CACNA1D: variants seen among roughly 807,000 people sequenced by gnomAD.
CACNA1D encodes calcium voltage-gated channel subunit alpha1 D.
In CACNA1D, 55 loss-of-function variants were observed where a neutral mutation model predicts 257.1. That is an observed-to-expected ratio of 0.21 (90% confidence interval 0.17 to 0.27). The LOEUF (loss-of-function observed/expected upper bound fraction) is 0.27, where lower values mean the gene tolerates loss of function less well. CACNA1D is among the 10% of genes least tolerant of loss of function. The pLI is 1.00. For synonymous variants in CACNA1D, 980 were observed against 1,014.9 expected, an observed-to-expected ratio of 0.97 and a Z score of 0.65; for missense variants, 1,876 against 2,784.0, an observed-to-expected ratio of 0.67 and a Z score of 7.34.
intron 40 of CACNA1D, among the ~76,000 whole-genome samples, chr3:53,796,944 A>G (rs1198271963): frequency 6.6e-6 from 1 of 152,180 alleles, no homozygotes; most frequent in Non-Finnish European, 1.5e-5. Context: ...TATGGCTTTA[A>G]TTGTGTTGGT....
chr3:53,595,486 A>G lies in CACNA1D; in HGVS notation c.484-55293A>G, dbSNP rs935416979. 3.3e-5 allele frequency among the ~76,000 whole-genome samples: 5 copies of G among 152,170 alleles called. 1 individual carries two copies. The South Asian group carries it at 6.2e-4, about 19-fold the overall frequency. On this transcript the variant is annotated intron_variant, in intron 3 of 47. Transcript: ENST00000350061. ...GCTCTGGATTACCATGGAGCTTTCAATGAGTAGGAGGAGACATCCATTTGT... is the reference window on the plus strand; with the variant it reads ...GCTCTGGATTACCATGGAGCTTTCAGTGAGTAGGAGGAGACATCCATTTGT...
chr3:53,744,945 C>G (rs1022265798), intron 23 of CACNA1D, 118 bp downstream of exon 23: 1 of 681,244 alleles, frequency 1.5e-6, no homozygotes, highest in East Asian at 2.7e-5. Context: ...GTTATAAGGA[C>G]CTTTCTAACC....
chr3:53,726,875 T>G lies in CACNA1D; in HGVS notation c.2101-4T>G, dbSNP rs1559579405. ...TGCTGGCTGATACCAGTTTGGCTTC[T>G]CAGATCCTGACAGGCGAAGACTGGA... On this transcript the variant is annotated splice_region_variant and splice_polypyrimidine_tract_variant and intron_variant, in intron 14 of 47. Coordinates refer to ENST00000350061, the MANE Select transcript of CACNA1D (RefSeq NM_001128840.3). 1.2e-6 allele frequency: 2 copies of G among 1,614,072 alleles called. No homozygotes were observed. Among genetic ancestry groups the G allele is most frequent in the Non-Finnish European group, 8.5e-7 (1 of 1,180,022 alleles).
chr3:53,735,718 C>A (rs1281606752), intron 20 of CACNA1D, among the ~76,000 whole-genome samples: 1 of 152,224 alleles, frequency 6.6e-6, no homozygotes, highest in East Asian at 1.9e-4. Flanking sequence ...AGAACTTCAT[C>A]TTAAATACTC....
intron 8 of CACNA1D, chr3:53,679,522 G>A (rs2094409309): frequency 6.6e-6 from 1 of 152,110 alleles, no homozygotes; most frequent in African/African-American, 2.4e-5. Context: ...GCAATAGTGA[G>A]TTAATTCCAT....
chr3:53,548,057 C>T (rs1223707372), intron 3 of CACNA1D, among the ~76,000 whole-genome samples: 7 of 152,168 alleles, frequency 4.6e-5, no homozygotes, highest in Non-Finnish European at 8.8e-5. Flanking sequence ...CTTGTCCCCA[C>T]TTCCATCAAG....
At chr3:53,803,602 G>A (rs1458032271) in intron 44 of CACNA1D, 30 bp downstream of exon 44, 1 of 1,610,850 alleles carries the variant, frequency 6.2e-7, no homozygotes, top group Non-Finnish European at 8.5e-7. Flanking sequence ...GTGGAGAGCG[G>A]GAGGCCGCCC....
At chr3:53,660,024 C>T in intron 4 of CACNA1D, 109 bp from the exon 5 acceptor site, 2 of 944,962 alleles carry the variant, frequency 2.1e-6, no homozygotes, top group South Asian at 1.4e-5. Flanking sequence ...TTTATTTAAG[C>T]AGCAGCCACA....
At chr3:53,571,786 G>T (rs944394933) in intron 3 of CACNA1D, among the ~76,000 whole-genome samples, 1 of 152,116 alleles carries the variant, frequency 6.6e-6, no homozygotes, top group Non-Finnish European at 1.5e-5. Context: ...TTATTGCAAA[G>T]GCCTAGTTAC....
chr3:53,795,561 C>T (rs1046005499), intron 40 of CACNA1D, among the ~76,000 whole-genome samples: 8 of 152,170 alleles, frequency 5.3e-5, no homozygotes, highest in East Asian at 3.8e-4. Context: ...CTCCCTTCCT[C>T]CCAGAATCTA....
Position 53,497,367 on chromosome 3 carries a change from G to A in CACNA1D, c.283G>A (p.Gly95Ser). 1 of 1,614,088 alleles carries A rather than the reference G, an allele frequency of 6.2e-7. No individual in the cohort carries two copies. The highest frequency in any genetic ancestry group is 1.1e-5 in the South Asian group (1 of 91,064). Reference protein sequence around the residue: ...RQQYAKSKKQGNSSNSRPARA... With the variant: ...RQQYAKSKKQSNSSNSRPARA... The stretch of plus-strand genomic sequence containing the variant: ...GCAATACGCCAAGAGCAAAAAACAG[G>A]GTAACTCGTCCAACAGCCGACCTGC... The change falls in exon 2 of 48, where the codon GGT (glycine) becomes AGT (serine). Residue 95 changes from glycine to serine, a missense_variant. By Grantham distance (56) the Gly-to-Ser change is moderately conservative (BLOSUM62 0). This residue lies in a region of CACNA1D where 143 missense variants were observed against 168.7 expected (regional missense o/e 0.85). Transcript: ENST00000350061.
intron 3 of CACNA1D, among the ~76,000 whole-genome samples, chr3:53,546,611 C>T (rs2092419305): frequency 6.6e-6 from 1 of 152,170 alleles, no homozygotes; most frequent in South Asian, 2.1e-4. Context: ...TGGGCATTTC[C>T]TCTGCATTTA....
intron 15 of CACNA1D, among the ~76,000 whole-genome samples, chr3:53,727,416 A>G (rs1012425421): frequency 6.6e-6 from 1 of 152,178 alleles, no homozygotes; most frequent in Non-Finnish European, 1.5e-5. Context: ...GATGAGAGCC[A>G]TCTTTGTGGA....
At chr3:53,513,583 G>A (rs1467874134) in intron 3 of CACNA1D, among the ~76,000 whole-genome samples, 1 of 152,314 alleles carries the variant, frequency 6.6e-6, no homozygotes, top group Non-Finnish European at 1.5e-5. Context: ...GCAGTAAGCC[G>A]AGATTGTGCC....
chr3:53,711,955 T>C (rs1260233500), intron 9 of CACNA1D, among the ~76,000 whole-genome samples: 2 of 152,210 alleles, frequency 1.3e-5, no homozygotes, highest in Non-Finnish European at 2.9e-5. Context: ...AACAGGAGGC[T>C]GGGCTTGATG....
In CACNA1D at chr3:53,495,251, G is replaced by C. The variant is rs201599838; in HGVS notation, c.67+18G>C. On this transcript the variant is annotated intron_variant, in intron 1 of 47. Coordinates refer to ENST00000350061, the MANE Select transcript of CACNA1D (RefSeq NM_001128840.3). The surrounding 1 kb of genome is among the most constrained non-coding windows in gnomAD (Gnocchi z 5.1). ...CGCGAACGGTGAGCAGCCAGAGCCCGGGCACCCGCTGCCAAATCCGATCCT... is the reference window on the plus strand; with the variant it reads ...CGCGAACGGTGAGCAGCCAGAGCCCCGGCACCCGCTGCCAAATCCGATCCT... The C allele has an allele frequency of 5.6e-6, 9 of 1,613,324 alleles. No homozygotes were observed. The highest frequency in any genetic ancestry group is 7.6e-6 in the Non-Finnish European group (9 of 1,179,934).
intron 26 of CACNA1D, chr3:53,748,968 G>A (rs765120896): frequency 1.2e-4 from 57 of 493,820 alleles, no homozygotes; most frequent in Non-Finnish European, 2.1e-4. Flanking sequence ...TGTCTTACAC[G>A]TGATATTCTT....
rs1460806224 is a variant in CACNA1D, at chr3:53,786,808, G to A, written c.4793-14G>A. The A allele has an allele frequency of 4.4e-6, 7 of 1,608,344 alleles. No individual in the cohort carries two copies. Among genetic ancestry groups the A allele is most frequent in the South Asian group, 3.3e-5 (3 of 90,964 alleles). ...TGCTGATTCGGGAGAGCTCTGTCTG[G>A]TCTCTCCGTTTAGATGATGAGGTAA... On this transcript the variant is annotated splice_polypyrimidine_tract_variant and intron_variant, in intron 39 of 47. Transcript: ENST00000350061.
At chr3:53,764,259 C>G (rs1180153774) in intron 30 of CACNA1D, among the ~76,000 whole-genome samples, 1 of 152,226 alleles carries the variant, frequency 6.6e-6, no homozygotes, top group East Asian at 1.9e-4. Context: ...AGGTCCCTAA[C>G]TGGGCTGCCC....
Sources: allele counts gnomAD v4.1 joint callset (sites outside exome capture counted in the v4.1 genomes callset), GRCh38; gene constraint gnomAD v4.1.1; regional missense constraint gnomAD v4.1.1; non-coding constraint Gnocchi (gnomAD v3.1); transcripts MANE v1.5; gene names NCBI Gene and HGNC (gene_info 2026-07-23, HGNC 2026-07-21).